NRG3: variants seen among roughly 807,000 people sequenced by gnomAD.
NRG3 encodes pro-neuregulin-3, membrane-bound isoform.
In NRG3, 31 loss-of-function variants were observed where a neutral mutation model predicts 66.9. That is an observed-to-expected ratio of 0.46 (90% CI 0.35 to 0.63). The LOEUF is 0.63. Among genes scored for constraint, NRG3 ranks in the 20% least tolerant of loss-of-function variants. NRG3 has a pLI of 0.00. For synonymous variants in NRG3, 393 were observed against 359.4 expected (o/e 1.09, Z -1.06); for missense variants, 910 against 878.9 (o/e 1.04, Z -0.45).
chr10:82,153,009 A>C (rs1365766759), intron 1 of NRG3, among the ~76,000 whole-genome samples: 1 of 152,002 alleles, frequency 6.6e-6, no homozygotes, highest in African/African-American at 2.4e-5. Context: ...TTGTAGAAAG[A>C]TTAAACCAAT....
At chr10:81,963,614 AGTT>A (rs1438728592) in intron 1 of NRG3, among the ~76,000 whole-genome samples, 1 of 152,134 alleles carries the variant, frequency 6.6e-6, no homozygotes, top group Non-Finnish European at 1.5e-5. Context: ...AAGTCAGGTG[AGTT>A]GTTAGTGTGA....
chr10:82,408,772 G>A (rs2087821243), intron 2 of NRG3, among the ~76,000 whole-genome samples: 1 of 151,628 alleles, frequency 6.6e-6, no homozygotes, highest in African/African-American at 2.4e-5. Flanking sequence ...TAATAATAAC[G>A]CAAGAGAGAG....
At chr10:82,521,603 G>A (rs1846193027) in intron 2 of NRG3, among the ~76,000 whole-genome samples, 1 of 152,106 alleles carries the variant, frequency 6.6e-6, no homozygotes, top group Admixed American at 6.6e-5. Flanking sequence ...GCCTCCCAAA[G>A]TGCTGGGATT....
intron 1 of NRG3, among the ~76,000 whole-genome samples, chr10:82,068,991 T>C (rs1228238508): frequency 6.6e-6 from 1 of 152,182 alleles, no homozygotes; most frequent in African/African-American, 2.4e-5. Context: ...GTTAACAGCA[T>C]GTCCACAGAA....
At chr10:82,966,422 G>C (rs1411152476) in intron 6 of NRG3, among the ~76,000 whole-genome samples, 1 of 152,028 alleles carries the variant, frequency 6.6e-6, no homozygotes, top group Non-Finnish European at 1.5e-5. Context: ...GGGGTTTACT[G>C]GTTTTCTGTA....
intron 2 of NRG3, among the ~76,000 whole-genome samples, chr10:82,397,416 A>G (rs974348065): frequency 1.3e-5 from 2 of 152,240 alleles, no homozygotes; most frequent in African/African-American, 4.8e-5. Context: ...AGGAAAGGAA[A>G]CATTTGCATT....
At chr10:82,201,809 T>C (rs2074842520) in intron 1 of NRG3, among the ~76,000 whole-genome samples, 2 of 152,184 alleles carry the variant, frequency 1.3e-5, no homozygotes, top group Non-Finnish European at 2.9e-5. Context: ...CTTAAACAAA[T>C]GCAAAGTGTA....
intron 1 of NRG3, among the ~76,000 whole-genome samples, chr10:82,037,567 G>A (rs957342559): frequency 2.0e-5 from 3 of 151,982 alleles, no homozygotes; most frequent in Admixed American, 6.6e-5. Flanking sequence ...TTGAAAAATC[G>A]ATTTTTTTCT....
At position 82,612,397 on chromosome 10, in the gene NRG3, C is replaced by G. The variant is rs193155021; in HGVS notation, c.954-126180C>G. On this transcript the variant is annotated intron_variant, in intron 2 of 8. Transcript: ENST00000372141. ...AGTACTATGGTTACAAAGTAGATAG[C>G]AAGATCCAGTAAAAATCAATGTGAT... Among the ~76,000 whole-genome samples the G allele has an allele frequency of 4.3e-3, 648 of 152,066 alleles. 5 individuals are homozygous for G. The highest frequency in any genetic ancestry group is 7.6e-3 in the Non-Finnish European group (514 of 68,000).
chr10:82,445,412 A>C (rs2090664997), intron 2 of NRG3, among the ~76,000 whole-genome samples: 1 of 152,172 alleles, frequency 6.6e-6, no homozygotes, highest in African/African-American at 2.4e-5. Context: ...ACATAGCTTT[A>C]AGTTTTCCTT....
intron 1 of NRG3, among the ~76,000 whole-genome samples, chr10:81,991,100 A>G (rs906526225): frequency 3.9e-5 from 6 of 152,128 alleles, no homozygotes; most frequent in African/African-American, 1.4e-4. Flanking sequence ...GCTGAAACCT[A>G]TGTCCATAGA....
At chr10:82,402,106 A>G (rs1564881404) in intron 2 of NRG3, among the ~76,000 whole-genome samples, 1 of 152,116 alleles carries the variant, frequency 6.6e-6, no homozygotes, top group Non-Finnish European at 1.5e-5. Flanking sequence ...TTTAGAAAGA[A>G]AGCATTTGAA....
chr10:82,717,562 G>C (rs1246149387), intron 2 of NRG3, among the ~76,000 whole-genome samples: 1 of 151,906 alleles, frequency 6.6e-6, no homozygotes, highest in East Asian at 1.9e-4. Flanking sequence ...ACCACGCTTG[G>C]TTAATTTTTT....
intron 1 of NRG3, among the ~76,000 whole-genome samples, chr10:82,021,967 T>C (rs1365322070): frequency 6.6e-6 from 1 of 152,058 alleles, no homozygotes; most frequent in East Asian, 1.9e-4. Context: ...CTTAGAAATT[T>C]GGATGATTTA....
chr10:81,968,202 G>C (rs1388644566), intron 1 of NRG3, among the ~76,000 whole-genome samples: 1 of 152,186 alleles, frequency 6.6e-6, no homozygotes, highest in African/African-American at 2.4e-5. Flanking sequence ...ACTGCCTCAA[G>C]CCTCCTAGGG....
At chr10:82,006,471 T>A (rs2061379897) in intron 1 of NRG3, among the ~76,000 whole-genome samples, 1 of 152,148 alleles carries the variant, frequency 6.6e-6, no homozygotes, top group East Asian at 1.9e-4. Context: ...TGTTCAAATA[T>A]GTTTATTTTT....
chr10:82,713,460 G>T (rs2056796134), intron 2 of NRG3, among the ~76,000 whole-genome samples: 1 of 152,138 alleles, frequency 6.6e-6, no homozygotes, highest in African/African-American at 2.4e-5. Flanking sequence ...TTGGATAAGG[G>T]ATGTGAAATA....
chr10:81,909,638 T>A (rs1044630326), intron 1 of NRG3, among the ~76,000 whole-genome samples: 1 of 152,180 alleles, frequency 6.6e-6, no homozygotes, highest in Non-Finnish European at 1.5e-5. Context: ...AAAGGCCTAT[T>A]GATGATGTCT....
chr10:82,395,360 C>T (rs991339850), intron 2 of NRG3, among the ~76,000 whole-genome samples: 2 of 152,136 alleles, frequency 1.3e-5, no homozygotes, highest in African/African-American at 4.8e-5. Flanking sequence ...CTTTCAGGCA[C>T]TCCACCAAGC....
Sources: allele counts gnomAD v4.1 joint callset (sites outside exome capture counted in the v4.1 genomes callset), GRCh38; gene constraint gnomAD v4.1.1; transcripts MANE v1.5; gene names NCBI Gene and HGNC (gene_info 2026-07-23, HGNC 2026-07-21).